The following NFYC variants were observed in gnomAD, a reference collection of about 807,000 sequenced individuals.
NFYC encodes the protein nuclear transcription factor Y subunit gamma.
NFYC carries 25 observed loss-of-function variants against 53.1 expected under a neutral mutation model. The ratio of observed to expected loss-of-function variants is 0.47; its 90% CI spans 0.34 to 0.66. The LOEUF (loss-of-function observed/expected upper bound fraction) is 0.66. Among genes scored for constraint, NFYC ranks in the 30% least tolerant of loss-of-function variants. The probability of loss-of-function intolerance (pLI) is 0.01; values close to 1 mark genes in which losing one functional copy is unlikely to be tolerated. For missense variants in NFYC, 260 were observed against 422.7 expected, an observed-to-expected ratio of 0.62 and a Z score of 3.38; for synonymous variants, 145 against 152.6, an observed-to-expected ratio of 0.95 and a Z score of 0.37.
chr1:40,765,444 G>C (rs576478735), intron 7 of NFYC, among the ~76,000 whole-genome samples: 2 of 152,212 alleles, frequency 1.3e-5, no homozygotes, highest in East Asian at 3.8e-4. Context: ...TGAACACTGC[G>C]TGCAGGAATG....
chr1:40,715,017 TTG>T, intron 1 of NFYC, among the ~76,000 whole-genome samples: 1 of 151,970 alleles, frequency 6.6e-6, no homozygotes, highest in Non-Finnish European at 1.5e-5. Flanking sequence ...GAGGCGGAGC[TTG>T]CAGTGAGCCG....
intron 1 of NFYC, among the ~76,000 whole-genome samples, chr1:40,710,552 CTTTGTTTTCTTTTTA>C (rs1400517928): frequency 6.6e-5 from 10 of 152,090 alleles, no homozygotes; most frequent in Non-Finnish European, 1.5e-4. Context: ...AAATGCAATT[CTTTGTTTTCTTTTTA>C]TTTGCAAATA....
At chr1:40,694,255 GTGGGATATTGATT>G (rs755404770) in intron 1 of NFYC, among the ~76,000 whole-genome samples, 8 of 152,238 alleles carry the variant, frequency 5.3e-5, no homozygotes, top group Non-Finnish European at 1.2e-4. Context: ...TCTTCAGACT[GTGGGATATTGATT>G]CTAGGATATG....
chr1:40,741,708 T>A (rs1645355756), intron 2 of NFYC, among the ~76,000 whole-genome samples: 1 of 150,998 alleles, frequency 6.6e-6, no homozygotes, highest in African/African-American at 2.4e-5. Flanking sequence ...GCTCAAGCGA[T>A]CCTCCCGCCT....
chr1:40,702,248 A>G (rs1012002070), intron 1 of NFYC, among the ~76,000 whole-genome samples: 1 of 151,546 alleles, frequency 6.6e-6, no homozygotes, highest in African/African-American at 2.4e-5. Context: ...ACTGATAACC[A>G]TTTACTGAGC....
intron 1 of NFYC, among the ~76,000 whole-genome samples, chr1:40,700,034 T>C (rs1278552111): frequency 3.3e-5 from 5 of 152,190 alleles, no homozygotes; most frequent in Non-Finnish European, 5.9e-5. Context: ...GACTGGTGTG[T>C]AGTGGAGCCC....
chr1:40,744,115 C>T (rs1380494695), intron 2 of NFYC, among the ~76,000 whole-genome samples: 1 of 152,186 alleles, frequency 6.6e-6, no homozygotes, highest in African/African-American at 2.4e-5. Flanking sequence ...GCAAGCATTA[C>T]TGCCTGAGCT....
chr1:40,714,625 T>G lies in NFYC; in HGVS notation c.-9+22758T>G, dbSNP rs1265670953. Among the ~76,000 whole-genome samples, 5 of 152,238 alleles carry G rather than the reference T, an allele frequency of 3.3e-5. No individual in the cohort carries two copies. In the South Asian group the frequency reaches 1.0e-3, roughly 32 times the overall value. On this transcript the variant is annotated intron_variant, in intron 1 of 9. Coordinates refer to ENST00000447388, the MANE Select transcript of NFYC (RefSeq NM_014223.5). ...TCCCAGAAGTTTAGTTTTCTTTCCTTTTTTTTGGAGACAAGGTCTTGCTCT... is the reference window on the plus strand; with the variant it reads ...TCCCAGAAGTTTAGTTTTCTTTCCTGTTTTTTGGAGACAAGGTCTTGCTCT...
chr1:40,717,819 C>T (rs140313705), intron 1 of NFYC, among the ~76,000 whole-genome samples: 39 of 152,244 alleles, frequency 2.6e-4, no homozygotes, highest in Non-Finnish European at 4.9e-4. Context: ...ACCAAAAATA[C>T]ATATGTAGGA....
At chr1:40,700,667 G>A (rs1231503021) in intron 1 of NFYC, among the ~76,000 whole-genome samples, 1 of 152,038 alleles carries the variant, frequency 6.6e-6, no homozygotes, top group Non-Finnish European at 1.5e-5. Context: ...TTTTGAGATG[G>A]AGTCTCACTC....
chr1:40,749,685 A>G lies in NFYC; in HGVS notation c.290A>G (p.Gln97Arg), dbSNP rs747260764. The G allele has an allele frequency of 2.5e-6, 4 of 1,613,086 alleles. No individual in the cohort carries two copies. Among genetic ancestry groups the G allele is most frequent in the Non-Finnish European group, 3.4e-6 (4 of 1,179,018 alleles). ...HTEDNKRRTL[Q>R]RNDIAMAITK... is the part of the protein sequence containing the mutation. ...GAAGATAACAAGCGCCGGACTCTACAGGTATTATTGCAGACTTAGATTAGG... is the reference window on the plus strand; with the variant it reads ...GAAGATAACAAGCGCCGGACTCTACGGGTATTATTGCAGACTTAGATTAGG... The change falls in exon 4 of 10, where the codon CAG (glutamine) becomes CGG (arginine). Residue 97 changes from glutamine (Q) to arginine (R), a missense_variant and splice_region_variant. Coordinates refer to ENST00000447388, the MANE Select transcript of NFYC (RefSeq NM_014223.5).
chr1:40,738,130 C>A (rs1473337961), intron 1 of NFYC, among the ~76,000 whole-genome samples: 1 of 151,922 alleles, frequency 6.6e-6, no homozygotes, highest in Non-Finnish European at 1.5e-5. Context: ...TCTCGATCTC[C>A]TGACCTTGTG....
intron 4 of NFYC, among the ~76,000 whole-genome samples, chr1:40,752,176 A>G (rs1029680009): frequency 6.6e-5 from 10 of 152,318 alleles, no homozygotes; most frequent in Middle Eastern, 3.4e-3. Flanking sequence ...CTTACAACCT[A>G]GATTCTACCA....
chr1:40,715,323 C>T (rs1187845815), intron 1 of NFYC, among the ~76,000 whole-genome samples: 5 of 151,232 alleles, frequency 3.3e-5, no homozygotes, highest in Non-Finnish European at 7.4e-5. Flanking sequence ...TGGGAGGTTG[C>T]AGTGAGCCAT....
At chr1:40,735,512 C>A in intron 1 of NFYC, 1 of 834,162 alleles carries the variant, frequency 1.2e-6, no homozygotes, top group Non-Finnish European at 1.4e-6. Context: ...TGGTTCTAGA[C>A]GTGCTTTTTG....
intron 5 of NFYC, among the ~76,000 whole-genome samples, chr1:40,757,095 C>G (rs1010850798): frequency 2.6e-5 from 4 of 152,214 alleles, no homozygotes; most frequent in African/African-American, 9.6e-5. Flanking sequence ...ACGTGGCAAA[C>G]TTTGCCCTGA....
At chr1:40,716,536 C>T (rs759534769) in intron 1 of NFYC, among the ~76,000 whole-genome samples, 1 of 152,174 alleles carries the variant, frequency 6.6e-6, no homozygotes, top group Non-Finnish European at 1.5e-5. Context: ...GAAATTTGAA[C>T]AGTCTCTGCT....
At chr1:40,748,032 C>T (rs552449781) in intron 3 of NFYC, among the ~76,000 whole-genome samples, 6 of 152,158 alleles carry the variant, frequency 3.9e-5, no homozygotes, top group Admixed American at 1.3e-4. Context: ...GACAGGGTTT[C>T]ACCATGTTGG....
chr1:40,750,662 T>C (rs1272931338), intron 4 of NFYC, among the ~76,000 whole-genome samples: 1 of 152,226 alleles, frequency 6.6e-6, no homozygotes, highest in Non-Finnish European at 1.5e-5. Context: ...TATGTTGCCT[T>C]GAAGTTAGTC....
Sources: allele counts gnomAD v4.1 joint callset (sites outside exome capture counted in the v4.1 genomes callset), GRCh38; gene constraint gnomAD v4.1.1; transcripts MANE v1.5; gene names NCBI Gene and HGNC (gene_info 2026-07-23, HGNC 2026-07-21).